KCNK2: variants seen among roughly 807,000 people sequenced by gnomAD.
KCNK2 encodes the protein potassium channel subfamily K member 2.
Under a neutral mutation model 40.5 loss-of-function variants are expected in KCNK2, and 21 were observed. That is an observed-to-expected ratio of 0.52 (90% CI 0.37 to 0.75). The LOEUF (loss-of-function observed/expected upper bound fraction) is 0.75. KCNK2 is among the 30% of genes least tolerant of loss of function. The pLI is 0.00. For synonymous variants in KCNK2, 191 were observed against 202.2 expected (o/e 0.94, Z 0.47); for missense variants, 399 against 531.6 (o/e 0.75, Z 2.45).
chr1:215,152,335 A>C lies in KCNK2; in HGVS notation c.476-16864A>C, dbSNP rs140306898. 3.2e-3 allele frequency among the ~76,000 whole-genome samples: 488 copies of C among 152,292 alleles called. 1 individual carries two copies. Among genetic ancestry groups the C allele is most frequent in the Non-Finnish European group, 5.4e-3 (365 of 67,994 alleles). On this transcript the variant is annotated intron_variant, in intron 3 of 6. Transcript: ENST00000444842. ...ACCACAACTGATAGTAGAGAAATGC[A>C]AAAACAGTTTCCTCTCCACTTCCTA...
rs189588839 is a variant in KCNK2 at position 215,132,521 on chromosome 1, C to T, written c.475+7771C>T. On this transcript the variant is annotated intron_variant, in intron 3 of 6. Coordinates refer to ENST00000444842, the MANE Select transcript of KCNK2 (RefSeq NM_001017425.3). ...ACTTCCAGTTCCTACTCTACAATCT[C>T]ATTGCATTTTTCTTTATGCAAGCTC... Among the ~76,000 whole-genome samples the T allele has an allele frequency of 4.5e-4, 68 of 152,292 alleles. 1 individual carries two copies. The highest frequency in any genetic ancestry group is 1.6e-3 in the African/African-American group (68 of 41,574).
At chr1:215,228,785 T>A (rs969808629) in intron 6 of KCNK2, among the ~76,000 whole-genome samples, 11 of 152,226 alleles carry the variant, frequency 7.2e-5, no homozygotes, top group African/African-American at 2.4e-4. Flanking sequence ...TAAGAAAAAA[T>A]TTTATTTATA....
chr1:215,193,458 T>C (rs564116124), intron 5 of KCNK2, among the ~76,000 whole-genome samples: 2 of 152,240 alleles, frequency 1.3e-5, no homozygotes, highest in South Asian at 4.1e-4. Context: ...AAAGTCACTC[T>C]TTCTTCCCCT....
intron 1 of KCNK2, among the ~76,000 whole-genome samples, chr1:215,022,137 A>G (rs1268264372): frequency 1.0e-4 from 5 of 49,666 alleles, no homozygotes; most frequent in Non-Finnish European, 3.0e-4. Flanking sequence ...CTAATCATCT[A>G]TCTATCTAAT....
intron 5 of KCNK2, among the ~76,000 whole-genome samples, chr1:215,186,226 T>C (rs894753679): frequency 7.2e-5 from 11 of 152,062 alleles, no homozygotes; most frequent in African/African-American, 2.7e-4. Flanking sequence ...CTGGGCAACA[T>C]AGTGAGACTC....
chr1:215,089,216 A>T (rs770358373), intron 2 of KCNK2, among the ~76,000 whole-genome samples: 1 of 152,130 alleles, frequency 6.6e-6, no homozygotes, highest in African/African-American at 2.4e-5. Flanking sequence ...ATACCACAAC[A>T]TTAAGGATTA....
intron 1 of KCNK2, among the ~76,000 whole-genome samples, chr1:215,072,621 C>T (rs1236190781): frequency 6.6e-6 from 1 of 152,156 alleles, no homozygotes; most frequent in Non-Finnish European, 1.5e-5. Context: ...TTCTCCAGTT[C>T]TCTGGGCCCA....
intron 6 of KCNK2, among the ~76,000 whole-genome samples, chr1:215,217,998 C>T (rs1666024872): frequency 6.6e-6 from 1 of 152,048 alleles, no homozygotes; most frequent in Non-Finnish European, 1.5e-5. Context: ...TGATACAGTG[C>T]TAGAAGTCCA....
At chr1:215,062,128 A>G (rs529846615) in intron 1 of KCNK2, among the ~76,000 whole-genome samples, 1 of 152,276 alleles carries the variant, frequency 6.6e-6, no homozygotes, top group Non-Finnish European at 1.5e-5. Flanking sequence ...CATGGCTTTC[A>G]TTAAACACCA....
intron 1 of KCNK2, among the ~76,000 whole-genome samples, chr1:215,055,071 A>T (rs1362816790): frequency 6.6e-6 from 1 of 152,226 alleles, no homozygotes. Flanking sequence ...CTTATTATTA[A>T]ATCTAAAATA....
chr1:215,216,828 G>A (rs979720404), intron 6 of KCNK2, among the ~76,000 whole-genome samples: 2 of 151,996 alleles, frequency 1.3e-5, no homozygotes, highest in African/African-American at 2.4e-5. Flanking sequence ...CAGACTGGCC[G>A]CATTTAAAGC....
chr1:215,163,353 G>A (rs1314821694), intron 3 of KCNK2, among the ~76,000 whole-genome samples: 5 of 152,230 alleles, frequency 3.3e-5, no homozygotes, highest in South Asian at 4.1e-4. Context: ...ATACAATCAC[G>A]TGATCTGCAA....
chr1:215,072,266 G>A (rs1409145111), intron 1 of KCNK2, among the ~76,000 whole-genome samples: 1 of 152,130 alleles, frequency 6.6e-6, no homozygotes, highest in Non-Finnish European at 1.5e-5. Context: ...AATTTGTATA[G>A]GAAAGAGGTT....
chr1:215,152,965 T>G (rs886087091), intron 3 of KCNK2, among the ~76,000 whole-genome samples: 1 of 152,206 alleles, frequency 6.6e-6, no homozygotes, highest in Non-Finnish European at 1.5e-5. Context: ...GCCTCCACAT[T>G]TGAAGCTGGC....
At chr1:215,077,130 T>C (rs1310004040) in intron 1 of KCNK2, among the ~76,000 whole-genome samples, 1 of 152,190 alleles carries the variant, frequency 6.6e-6, no homozygotes, top group Non-Finnish European at 1.5e-5. Flanking sequence ...CCTGAACCAG[T>C]TGAGAAGCTG....
intron 2 of KCNK2, among the ~76,000 whole-genome samples, chr1:215,122,174 A>G (rs963678361): frequency 6.6e-6 from 1 of 152,116 alleles, no homozygotes; most frequent in Non-Finnish European, 1.5e-5. Flanking sequence ...ATACATAGAG[A>G]TTCATACCAT....
At chr1:215,093,299 G>A (rs1659771796) in intron 2 of KCNK2, among the ~76,000 whole-genome samples, 1 of 145,208 alleles carries the variant, frequency 6.9e-6, no homozygotes. Flanking sequence ...TCCTTTAAGG[G>A]CCATTTAAAA....
chr1:215,104,904 G>A (rs544201504), intron 2 of KCNK2, among the ~76,000 whole-genome samples: 43 of 151,902 alleles, frequency 2.8e-4, no homozygotes, highest in Non-Finnish European at 4.6e-4. Flanking sequence ...TTCATAACCT[G>A]ATTATCTCAT....
At chr1:215,222,952 A>G (rs955763896) in intron 6 of KCNK2, among the ~76,000 whole-genome samples, 1 of 152,160 alleles carries the variant, frequency 6.6e-6, no homozygotes, top group African/African-American at 2.4e-5. Flanking sequence ...TAACTCAGCT[A>G]CTTTTAATAT....
Sources: gnomAD v4.1 joint callset for allele counts (sites outside exome capture counted in the v4.1 genomes callset) on GRCh38, gnomAD v4.1.1 for gene constraint, MANE v1.5 for transcripts, NCBI Gene and HGNC (gene_info 2026-07-23, HGNC 2026-07-21) for gene names.